The following TNFSF13B variants were observed in gnomAD, a reference collection of about 807,000 sequenced individuals.
The protein encoded by TNFSF13B is TNF superfamily member 13b.
A neutral mutation model predicts 29.1 loss-of-function variants in TNFSF13B; 8 were observed. The observed-to-expected ratio is 0.27, with a 90% confidence interval of 0.16 to 0.50. The LOEUF is 0.50. TNFSF13B is among the 20% of genes least tolerant of loss of function. TNFSF13B has a pLI of 0.98. For missense variants in TNFSF13B, 248 were observed against 334.9 expected (o/e 0.74, Z 2.03); for synonymous variants, 125 against 130.8 (o/e 0.96, Z 0.30).
intron 2 of TNFSF13B, among the ~76,000 whole-genome samples, chr13:108,280,963 G>C (rs1307666653): frequency 1.3e-5 from 2 of 152,132 alleles, no homozygotes; most frequent in Admixed American, 1.3e-4. Context: ...AGAGGTATTA[G>C]AGGTAATTAG....
chr13:108,278,645 CACT>C (rs1566399472), intron 2 of TNFSF13B, among the ~76,000 whole-genome samples: 13 of 3,766 alleles, frequency 3.5e-3, no homozygotes, highest in African/African-American at 5.7e-3. Context: ...CCTCCTCCTC[CACT>C]TCTCTTTCTC....
chr13:108,294,995 A>C lies in TNFSF13B; in HGVS notation c.481+8136A>C, dbSNP rs915806337. Among the ~76,000 whole-genome samples, 5 of 145,490 alleles carry C rather than the reference A, an allele frequency of 3.4e-5. 2 individuals carry two copies. Among genetic ancestry groups the C allele is most frequent in the Non-Finnish European group, 7.6e-5 (5 of 65,598 alleles). Reference sequence around the variant, plus strand: ...TACATTATCTAATTTGTTGGAGTACAATTATTATAAATAATAAAAAGGTAT... The same window carrying C: ...TACATTATCTAATTTGTTGGAGTACCATTATTATAAATAATAAAAAGGTAT... On this transcript the variant is annotated intron_variant, in intron 3 of 5. Coordinates refer to ENST00000375887, the MANE Select transcript of TNFSF13B (RefSeq NM_006573.5).
At chr13:108,305,180 G>A (rs575423890) in intron 5 of TNFSF13B, among the ~76,000 whole-genome samples, 2 of 151,908 alleles carry the variant, frequency 1.3e-5, no homozygotes, top group Non-Finnish European at 2.9e-5. Context: ...GTAAGTTTCA[G>A]GTTTGCAATT....
chr13:108,280,944 A>C (rs2139048618), intron 2 of TNFSF13B, among the ~76,000 whole-genome samples: 1 of 152,252 alleles, frequency 6.6e-6, no homozygotes, highest in South Asian at 2.1e-4. Context: ...CGAGGTATTT[A>C]GAGGTATTAG....
At chr13:108,273,588 G>C (rs1880679971) in intron 2 of TNFSF13B, among the ~76,000 whole-genome samples, 1 of 152,140 alleles carries the variant, frequency 6.6e-6, no homozygotes, top group African/African-American at 2.4e-5. Context: ...ACCTCCTGTT[G>C]CTACTGCAGT....
intron 5 of TNFSF13B, among the ~76,000 whole-genome samples, chr13:108,306,279 T>G (rs1216167607): frequency 6.6e-6 from 1 of 152,076 alleles, no homozygotes; most frequent in Non-Finnish European, 1.5e-5. Context: ...AGATAATGCT[T>G]AAATCCATAG....
At chr13:108,282,883 C>T (rs1056233603) in intron 2 of TNFSF13B, among the ~76,000 whole-genome samples, 1 of 152,046 alleles carries the variant, frequency 6.6e-6, no homozygotes, top group African/African-American at 2.4e-5. Context: ...TATTCTTAAC[C>T]TCTTGTGTAA....
At chr13:108,288,958 A>T (rs899322956) in intron 3 of TNFSF13B, among the ~76,000 whole-genome samples, 3 of 152,118 alleles carry the variant, frequency 2.0e-5, no homozygotes, top group African/African-American at 7.2e-5. Context: ...TTTCTGCGTG[A>T]CTTTAATTGT....
At chr13:108,273,168 A>G (rs1467100830) in intron 2 of TNFSF13B, among the ~76,000 whole-genome samples, 2 of 152,146 alleles carry the variant, frequency 1.3e-5, no homozygotes, top group Admixed American at 6.5e-5. Flanking sequence ...GCATATAGGT[A>G]TATATTGCAC....
chr13:108,285,999 C>T (rs1190048556), intron 2 of TNFSF13B, among the ~76,000 whole-genome samples: 1 of 152,210 alleles, frequency 6.6e-6, no homozygotes, highest in African/African-American at 2.4e-5. Context: ...TAAATATTGA[C>T]TGGAATATTC....
chr13:108,304,854 A>AT (rs1279523846), intron 5 of TNFSF13B, among the ~76,000 whole-genome samples: 5 of 152,182 alleles, frequency 3.3e-5, no homozygotes, highest in African/African-American at 1.2e-4. Context: ...GGAAGTTTAT[A>AT]AAATTAGAAT....
At chr13:108,305,133 C>T (rs1050948457) in intron 5 of TNFSF13B, among the ~76,000 whole-genome samples, 1 of 152,072 alleles carries the variant, frequency 6.6e-6, no homozygotes, top group Admixed American at 6.6e-5. Flanking sequence ...TTTTTCATTA[C>T]TAGTAGCTTA....
intron 3 of TNFSF13B, chr13:108,303,023 T>C: frequency 2.0e-6 from 1 of 506,306 alleles, no homozygotes; most frequent in Non-Finnish European, 3.2e-6. Flanking sequence ...AAGGGTTAGC[T>C]CTCAGGTTCT....
intron 3 of TNFSF13B, 73 bp from the exon 4 acceptor site, chr13:108,303,180 G>T: frequency 1.1e-6 from 1 of 951,450 alleles, no homozygotes. Flanking sequence ...TTCAGAGGTA[G>T]CTTAACAACT....
At chr13:108,284,252 G>C (rs557200625) in intron 2 of TNFSF13B, among the ~76,000 whole-genome samples, 21 of 152,180 alleles carry the variant, frequency 1.4e-4, no homozygotes, top group East Asian at 3.9e-4. Context: ...TGGCGTGAGC[G>C]CGGGAGGCGG....
intron 2 of TNFSF13B, among the ~76,000 whole-genome samples, chr13:108,276,237 C>T (rs189713979): frequency 1.5e-3 from 224 of 152,308 alleles, no homozygotes; most frequent in African/African-American, 4.7e-3. Context: ...TGTGTTCCTT[C>T]GTGGAACAGA....
chr13:108,298,363 T>C (rs1881513914), intron 3 of TNFSF13B, among the ~76,000 whole-genome samples: 1 of 145,674 alleles, frequency 6.9e-6, no homozygotes, highest in South Asian at 2.1e-4. Flanking sequence ...ATATGCATTA[T>C]GAGAGTCACA....
intron 3 of TNFSF13B, among the ~76,000 whole-genome samples, chr13:108,291,053 T>A (rs920701044): frequency 1.1e-4 from 17 of 151,926 alleles, no homozygotes; most frequent in African/African-American, 4.1e-4. Flanking sequence ...CCATGTTTAG[T>A]CTATGTTTTT....
At chr13:108,274,795 A>G (rs1455584428) in intron 2 of TNFSF13B, among the ~76,000 whole-genome samples, 4 of 152,054 alleles carry the variant, frequency 2.6e-5, no homozygotes, top group African/African-American at 7.2e-5. Flanking sequence ...GTGTTTATTT[A>G]TGTTCATATT....
Sources: gnomAD v4.1 joint callset for allele counts (sites outside exome capture counted in the v4.1 genomes callset) on GRCh38, gnomAD v4.1.1 for gene constraint, MANE v1.5 for transcripts, NCBI Gene and HGNC (gene_info 2026-07-23, HGNC 2026-07-21) for gene names.